The following UGT1A10 variants were observed in gnomAD, a reference collection of about 807,000 sequenced individuals.
The protein encoded by UGT1A10 is UDP glucuronosyltransferase family 1 member A10, also known as UDP-glucuronosyltransferase 1A10.
UGT1A10 carries 49 observed loss-of-function variants against 45.8 expected under a neutral mutation model. The ratio of observed to expected loss-of-function variants is 1.07; its 90% CI spans 0.85 to 1.36. UGT1A10 has a LOEUF of 1.36. Among genes scored for constraint, UGT1A10 ranks in the 40% most tolerant of loss-of-function variants. The pLI is 0.00. For missense variants in UGT1A10, 745 were observed against 668.6 expected (o/e 1.11, Z -1.26); for synonymous variants, 284 against 249.7 (o/e 1.14, Z -1.29).
chr2:233,693,978 G>T (rs1189326021), intron 1 of UGT1A10: 83 of 1,557,818 alleles, frequency 5.3e-5, no homozygotes, highest in Non-Finnish European at 6.9e-5. Flanking sequence ...GAGAAACGGT[G>T]GGGGGAAGTG....
intron 1 of UGT1A10, chr2:233,693,743 T>C (rs2075178370): frequency 1.2e-6 from 2 of 1,614,260 alleles, no homozygotes; most frequent in East Asian, 4.5e-5. Flanking sequence ...AATCACCTTA[T>C]ATCAGAAGGT....
chr2:233,674,338 A>G (rs1038905928), intron 1 of UGT1A10, among the ~76,000 whole-genome samples: 2 of 152,196 alleles, frequency 1.3e-5, no homozygotes, highest in Non-Finnish European at 2.9e-5. Context: ...TGCAAATGGC[A>G]GAAATCTAAG....
intron 1 of UGT1A10, chr2:233,747,659 T>C: frequency 1.9e-6 from 3 of 1,599,022 alleles, no homozygotes; most frequent in Non-Finnish European, 2.6e-6. Flanking sequence ...TCGATGTGGT[T>C]TTAATAGACC....
At chr2:233,732,709 C>T (rs540969589) in intron 1 of UGT1A10, among the ~76,000 whole-genome samples, 1 of 150,878 alleles carries the variant, frequency 6.6e-6, no homozygotes, top group Non-Finnish European at 1.5e-5. Context: ...GTTACTGTAG[C>T]CTTGTAGTAC....
intron 1 of UGT1A10, among the ~76,000 whole-genome samples, chr2:233,764,949 G>A (rs1698700873): frequency 6.6e-6 from 1 of 152,108 alleles, no homozygotes. Context: ...GGCGGGGAGA[G>A]AGGGCTCACC....
chr2:233,709,806 A>G (rs1242938864), intron 1 of UGT1A10, among the ~76,000 whole-genome samples: 1 of 152,186 alleles, frequency 6.6e-6, no homozygotes, highest in African/African-American at 2.4e-5. Context: ...TACATTTCTG[A>G]GTTGTAATGA....
At position 233,713,511 on chromosome 2, in the gene UGT1A10, A is replaced by G. The variant is rs763014830; in HGVS notation, c.856-53523A>G. On this transcript the variant is annotated intron_variant, in intron 1 of 4. Transcript: ENST00000344644. ...GTCGATTCCTGCTGTGTTTTTCTTG[A>G]GGAACATTCCATGTGATTTAGACTT... 25 of 1,613,762 alleles carry G rather than the reference A, an allele frequency of 1.5e-5. No homozygotes were observed. In the East Asian group the frequency reaches 4.7e-4, roughly 30 times the overall value.
chr2:233,646,566 C>T (rs951250583), intron 1 of UGT1A10, among the ~76,000 whole-genome samples: 3 of 152,196 alleles, frequency 2.0e-5, no homozygotes, highest in Non-Finnish European at 2.9e-5. Context: ...AATCATCTTT[C>T]TAAGGTTCAA....
At position 233,764,579 on chromosome 2, in the gene UGT1A10, G is replaced by A. The variant is rs530578816; in HGVS notation, c.856-2455G>A. Among the ~76,000 whole-genome samples, 7 of 152,190 alleles carry A rather than the reference G, an allele frequency of 4.6e-5. No individual in the cohort carries two copies. The East Asian group carries it at 1.2e-3, about 25-fold the overall frequency. On this transcript the variant is annotated intron_variant, in intron 1 of 4. Transcript: ENST00000344644. ...TGTGCCTGGAGGAGAACTTAGACTC[G>A]GCCTTTTCCAGATGAGCTTCAGTGT...
intron 1 of UGT1A10, among the ~76,000 whole-genome samples, chr2:233,750,991 C>T (rs545732182): frequency 4.6e-5 from 7 of 151,894 alleles, no homozygotes; most frequent in South Asian, 2.1e-4. Flanking sequence ...AGAAGGCGGC[C>T]ACCATCCTCC....
At chr2:233,688,922 G>T (rs1298474821) in intron 1 of UGT1A10, among the ~76,000 whole-genome samples, 3 of 152,188 alleles carry the variant, frequency 2.0e-5, no homozygotes, top group Admixed American at 6.5e-5. Context: ...GCCAAGCAGG[G>T]AAGATGGCAG....
At chr2:233,735,659 T>C (rs1049518793) in intron 1 of UGT1A10, among the ~76,000 whole-genome samples, 2 of 152,208 alleles carry the variant, frequency 1.3e-5, no homozygotes, top group African/African-American at 2.4e-5. Context: ...TGGTGTTTCT[T>C]TCCATGTTTA....
intron 1 of UGT1A10, chr2:233,747,444 A>G: frequency 6.2e-7 from 1 of 1,609,016 alleles, no homozygotes; most frequent in East Asian, 2.2e-5. Flanking sequence ...TTTCACCCTG[A>G]CAACCTATGC....
chr2:233,698,201 C>T (rs1027505391), intron 1 of UGT1A10, among the ~76,000 whole-genome samples: 2 of 152,102 alleles, frequency 1.3e-5, no homozygotes, highest in Non-Finnish European at 2.9e-5. Flanking sequence ...TATCAACATG[C>T]ACTTTTAATT....
At chr2:233,730,293 G>T (rs1228640650) in intron 1 of UGT1A10, among the ~76,000 whole-genome samples, 1 of 152,186 alleles carries the variant, frequency 6.6e-6, no homozygotes, top group East Asian at 1.9e-4. Context: ...TCATGGTTGT[G>T]CATGTCCTTC....
At chr2:233,754,867 T>C (rs1330580019) in intron 1 of UGT1A10, 1 of 1,351,780 alleles carries the variant, frequency 7.4e-7, no homozygotes, top group South Asian at 1.1e-5. Context: ...GCAGACCCTC[T>C]GCTTCTGCTT....
Position 233,753,486 on chromosome 2 carries a change from C to T in UGT1A10, c.856-13548C>T, listed in dbSNP as rs1410623213. The T allele has an allele frequency of 2.0e-5, 3 of 152,196 alleles. No homozygotes were observed. The East Asian group carries it at 5.8e-4, about 29-fold the overall frequency. 9.4% of individuals were successfully genotyped at this position (152,196 alleles called of 1,614,324 possible). On this transcript the variant is annotated intron_variant, in intron 1 of 4. Coordinates refer to ENST00000344644, the MANE Select transcript of UGT1A10 (RefSeq NM_019075.4). ...TGTAAAAAATTACCAGCATGCTGCT[C>T]TTAATTTTTTTCAGCCTGTCTAGTT... is the stretch of plus-strand genomic sequence containing the variant.
At chr2:233,665,968 G>A (rs2074069089) in intron 1 of UGT1A10, among the ~76,000 whole-genome samples, 3 of 152,128 alleles carry the variant, frequency 2.0e-5, no homozygotes, top group South Asian at 4.1e-4. Flanking sequence ...TTTGCATTGC[G>A]ATAAAGGAAT....
chr2:233,680,519 T>C (rs1275764705), intron 1 of UGT1A10, among the ~76,000 whole-genome samples: 1 of 152,186 alleles, frequency 6.6e-6, no homozygotes, highest in East Asian at 1.9e-4. Context: ...AATTATGCCC[T>C]GAGGTTGGCT....
Sources: gnomAD v4.1 joint callset for allele counts (sites outside exome capture counted in the v4.1 genomes callset) on GRCh38, gnomAD v4.1.1 for gene constraint, MANE v1.5 for transcripts, NCBI Gene and HGNC (gene_info 2026-07-23, HGNC 2026-07-21) for gene names.